Variants in PLB1 observed in about 807,000 individuals in gnomAD.
PLB1 encodes phospholipase B1, also known as phospholipase B1, membrane-associated.
A neutral mutation model predicts 227.4 loss-of-function variants in PLB1; 242 were observed. The observed-to-expected ratio is 1.06, with a 90% CI of 0.96 to 1.18. The LOEUF (loss-of-function observed/expected upper bound fraction) is 1.18. PLB1 is among the 50% of genes most tolerant of loss of function. The pLI is 0.00. For missense variants in PLB1, 1,858 were observed against 1,816.3 expected, an observed-to-expected ratio of 1.02 and a Z score of -0.42; for synonymous variants, 757 against 682.2, an observed-to-expected ratio of 1.11 and a Z score of -1.71.
chr2:28,566,879 G>C lies in PLB1; in HGVS notation c.1324+40G>C, dbSNP rs1451284525. 3 of 1,611,476 alleles carry C rather than the reference G, an allele frequency of 1.9e-6. No homozygotes were observed. In the Admixed American group the frequency reaches 5.0e-5, roughly 27 times the overall value. The stretch of plus-strand genomic sequence containing the variant: ...GCGGCCGGGATGTTTGGTTTGGGGC[G>C]GCCCCTGCACGCTTCCCGCTCCCCC... On this transcript the variant is annotated intron_variant, in intron 20 of 57. Transcript: ENST00000327757.
At chr2:28,642,769 A>G in intron 57 of PLB1, 89 bp from the exon 58 acceptor site, 1 of 1,135,658 alleles carries the variant, frequency 8.8e-7, no homozygotes, top group African/African-American at 1.5e-5. Flanking sequence ...TTATCGCAGC[A>G]TCTCAGGAAT....
chr2:28,596,909 C>T (rs768400770), intron 33 of PLB1, among the ~76,000 whole-genome samples: 6 of 152,228 alleles, frequency 3.9e-5, no homozygotes, highest in Non-Finnish European at 8.8e-5. Context: ...AACTATGACT[C>T]ATGGCCTGTC....
intron 1 of PLB1, among the ~76,000 whole-genome samples, chr2:28,503,962 A>G (rs11895463): frequency 7.1e-4 from 108 of 152,340 alleles, no homozygotes; most frequent in African/African-American, 2.4e-3. Flanking sequence ...CTTTGGAAAA[A>G]TATACCATCG....
intron 43 of PLB1, among the ~76,000 whole-genome samples, chr2:28,612,788 T>G (rs1685652423): frequency 2.4e-5 from 3 of 124,052 alleles, no homozygotes; most frequent in African/African-American, 9.0e-5. Flanking sequence ...TTTTTTTTTT[T>G]GTATTTTTAG....
intron 29 of PLB1, 105 bp downstream of exon 29, chr2:28,590,181 C>G: frequency 1.0e-6 from 1 of 966,656 alleles, no homozygotes; most frequent in Non-Finnish European, 1.6e-6. Context: ...CCCACCCACC[C>G]CATTTTATAC....
rs1668576906 is a variant in PLB1 at position 28,514,171 on chromosome 2, G to T, written c.56-2637G>T. Among the ~76,000 whole-genome samples the T allele has an allele frequency of 2.0e-5, 3 of 152,150 alleles. No homozygotes were observed. In the South Asian group the frequency reaches 6.2e-4, roughly 32 times the overall value. On this transcript the variant is annotated intron_variant, in intron 1 of 57. Transcript: ENST00000327757. ...ATTTTCTTTTAATTAAAAAATTGTT[G>T]TTCCAGCATCATTTGTTGAAAAGAC...
At chr2:28,508,030 G>A (rs1667822037) in intron 1 of PLB1, among the ~76,000 whole-genome samples, 3 of 152,228 alleles carry the variant, frequency 2.0e-5, no homozygotes, top group Non-Finnish European at 4.4e-5. Flanking sequence ...AATAAGGACA[G>A]CTGGAAATAC....
At chr2:28,586,740 A>G (rs1680961513) in intron 26 of PLB1, among the ~76,000 whole-genome samples, 2 of 151,858 alleles carry the variant, frequency 1.3e-5, no homozygotes, top group African/African-American at 2.4e-5. Flanking sequence ...TTATGTATTT[A>G]TTTATTTTTA....
intron 37 of PLB1, 45 bp downstream of exon 37, chr2:28,601,377 C>T: frequency 6.5e-7 from 1 of 1,540,526 alleles, no homozygotes; most frequent in Non-Finnish European, 9.0e-7. Flanking sequence ...CCTAACTTTG[C>T]CCAGTAGGCG....
intron 25 of PLB1, 192 bp from the exon 26 acceptor site, chr2:28,585,569 G>T (rs902831496): frequency 3.6e-6 from 2 of 551,614 alleles, no homozygotes; most frequent in Non-Finnish European, 6.7e-6. Context: ...GAGCCACCGC[G>T]CCTGGCCTGG....
chr2:28,533,830 A>G (rs1671331693), intron 9 of PLB1, among the ~76,000 whole-genome samples: 1 of 152,222 alleles, frequency 6.6e-6, no homozygotes, highest in South Asian at 2.1e-4. Flanking sequence ...TATGCCTTCA[A>G]ACATTCTTGA....
chr2:28,549,166 A>C (rs1673786588), intron 15 of PLB1, among the ~76,000 whole-genome samples: 1 of 152,196 alleles, frequency 6.6e-6, no homozygotes, highest in African/African-American at 2.4e-5. Context: ...CATAGGAACA[A>C]GGCCACAGCT....
intron 6 of PLB1, 33 bp downstream of exon 6, chr2:28,525,978 G>A (rs1290553756): frequency 2.5e-6 from 4 of 1,613,486 alleles, no homozygotes; most frequent in Non-Finnish European, 3.4e-6. Flanking sequence ...AGATTTCAGA[G>A]TGCCCCTCTC....
At chr2:28,534,515 A>G (rs537387531) in intron 9 of PLB1, among the ~76,000 whole-genome samples, 90 of 152,346 alleles carry the variant, frequency 5.9e-4, no homozygotes, top group Non-Finnish European at 1.1e-3. Flanking sequence ...GGATACTTGT[A>G]CTGGATTGGG....
At chr2:28,564,525 C>T (rs72861791) in intron 18 of PLB1, among the ~76,000 whole-genome samples, 3,212 of 152,290 alleles carry the variant, frequency 0.021, 108 homozygotes, top group African/African-American at 0.073. Flanking sequence ...ATCACCTGCT[C>T]CCAATTCCCT....
At chr2:28,499,323 A>G (rs1417485430) in intron 1 of PLB1, among the ~76,000 whole-genome samples, 2 of 152,158 alleles carry the variant, frequency 1.3e-5, no homozygotes, top group Admixed American at 6.5e-5. Context: ...CTTTTAAAAA[A>G]TAAAATAGAG....
rs770111812 is a variant in PLB1 at position 28,642,849 on chromosome 2, C to T, written c.4174-9C>T. ...ATCCTTTCCACTGACCCCCGCTCCT[C>T]CTCCACAGGAGAGCCCTTACCTCTA... On this transcript the variant is annotated splice_polypyrimidine_tract_variant and intron_variant, in intron 57 of 57. Transcript: ENST00000327757. 3 of 1,580,640 alleles carry T rather than the reference C, an allele frequency of 1.9e-6. No individual in the cohort carries two copies. The South Asian group carries it at 3.4e-5, about 18-fold the overall frequency.
chr2:28,498,320 C>T (rs1041826026), intron 1 of PLB1, among the ~76,000 whole-genome samples: 4 of 151,610 alleles, frequency 2.6e-5, no homozygotes, highest in Non-Finnish European at 5.9e-5. Context: ...ACCTCCCAGG[C>T]TCAAGTAATC....
chr2:28,517,029 G>T (rs865884845), intron 2 of PLB1, among the ~76,000 whole-genome samples, 160 bp downstream of exon 2: 32 of 152,202 alleles, frequency 2.1e-4, no homozygotes, highest in African/African-American at 6.5e-4. Flanking sequence ...GACAGCCGGG[G>T]TGTCCGGCAG....
Sources: gnomAD v4.1 joint callset for allele counts (sites outside exome capture counted in the v4.1 genomes callset) on GRCh38, gnomAD v4.1.1 for gene constraint, MANE v1.5 for transcripts, NCBI Gene and HGNC (gene_info 2026-07-23, HGNC 2026-07-21) for gene names.